Variants in L3MBTL4 observed in about 807,000 individuals in gnomAD.
The protein encoded by L3MBTL4 is lethal(3)malignant brain tumor-like protein 4.
Under a neutral mutation model 84.5 loss-of-function variants are expected in L3MBTL4, and 70 were observed. That is an observed-to-expected ratio of 0.83 (90% CI 0.68 to 1.01). The LOEUF is 1.01. Ranked by LOEUF, L3MBTL4 falls within the 50% of genes least tolerant of loss-of-function variation. L3MBTL4 has a pLI of 0.00. For synonymous variants in L3MBTL4, 274 were observed against 259.8 expected (o/e 1.05, Z -0.52); for missense variants, 715 against 754.8 (o/e 0.95, Z 0.62).
chr18:6,155,000 T>C (rs1229477222), intron 13 of L3MBTL4, among the ~76,000 whole-genome samples: 1 of 152,210 alleles, frequency 6.6e-6, no homozygotes, highest in Non-Finnish European at 1.5e-5. Flanking sequence ...CTCATTAAAG[T>C]ATAAAAACTT....
intron 12 of L3MBTL4, among the ~76,000 whole-genome samples, chr18:6,186,311 G>A (rs1262663625): frequency 7.9e-5 from 12 of 152,058 alleles, no homozygotes; most frequent in African/African-American, 2.7e-4. Flanking sequence ...CAAAGTGCTG[G>A]GATTACAGGC....
intron 1 of L3MBTL4, among the ~76,000 whole-genome samples, chr18:6,362,520 T>C (rs572924610): frequency 3.9e-5 from 6 of 152,298 alleles, no homozygotes; most frequent in Admixed American, 3.3e-4. Flanking sequence ...TACCTTCATT[T>C]ATGTAATCTG....
At chr18:6,340,263 T>C (rs1394826280) in intron 1 of L3MBTL4, among the ~76,000 whole-genome samples, 1 of 152,084 alleles carries the variant, frequency 6.6e-6, no homozygotes, top group Non-Finnish European at 1.5e-5. Context: ...AAAAATAACT[T>C]TGTGAGAACC....
At chr18:6,017,357 A>G (rs1407993882) in intron 16 of L3MBTL4, among the ~76,000 whole-genome samples, 1 of 152,258 alleles carries the variant, frequency 6.6e-6, no homozygotes, top group Non-Finnish European at 1.5e-5. Context: ...CCCCAAATCT[A>G]GAAGAAAACA....
At chr18:6,259,200 G>C (rs1373337002) in intron 5 of L3MBTL4, 1 of 152,210 alleles carries the variant, frequency 6.6e-6, no homozygotes, top group African/African-American at 2.4e-5. Context: ...TTGGGAGAGA[G>C]ACAACCCATG....
intron 1 of L3MBTL4, among the ~76,000 whole-genome samples, chr18:6,368,631 G>A (rs1797166396): frequency 6.6e-6 from 1 of 152,186 alleles, no homozygotes; most frequent in Non-Finnish European, 1.5e-5. Flanking sequence ...TCACAGGAAA[G>A]TAGTATACCA....
intron 1 of L3MBTL4, among the ~76,000 whole-genome samples, chr18:6,378,075 C>T (rs555739824): frequency 2.0e-5 from 3 of 152,246 alleles, no homozygotes; most frequent in South Asian, 2.1e-4. Flanking sequence ...TGACCAGTGA[C>T]GATGAGCATT....
At chr18:6,401,547 A>AT (rs1346520215) in intron 1 of L3MBTL4, among the ~76,000 whole-genome samples, 1 of 152,254 alleles carries the variant, frequency 6.6e-6, no homozygotes, top group Non-Finnish European at 1.5e-5. Flanking sequence ...AGTACAGCTT[A>AT]TAAGAGGTAA....
chr18:6,288,635 A>G (rs1164448587), intron 4 of L3MBTL4, among the ~76,000 whole-genome samples: 1 of 151,526 alleles, frequency 6.6e-6, no homozygotes, highest in African/African-American at 2.4e-5. Context: ...CTTCTGAGTT[A>G]TCATTAAGAT....
intron 1 of L3MBTL4, among the ~76,000 whole-genome samples, chr18:6,357,294 T>G (rs1360127335): frequency 6.6e-6 from 1 of 152,196 alleles, no homozygotes; most frequent in Non-Finnish European, 1.5e-5. Context: ...CATCAAATCT[T>G]GAGACATTCT....
At chr18:6,409,787 T>C (rs1009232561) in intron 1 of L3MBTL4, among the ~76,000 whole-genome samples, 1 of 152,106 alleles carries the variant, frequency 6.6e-6, no homozygotes, top group Admixed American at 6.5e-5. Context: ...ACCTTAAAAA[T>C]AACCTATTTC....
chr18:6,141,591 C>A (rs947835469), intron 13 of L3MBTL4, among the ~76,000 whole-genome samples: 1 of 152,174 alleles, frequency 6.6e-6, no homozygotes, highest in Non-Finnish European at 1.5e-5. Context: ...TCCTTGACAT[C>A]ATTTCTCGCT....
Position 6,257,620 on chromosome 18 carries a change from CT to C in L3MBTL4, c.219+6326del, listed in dbSNP as rs985127666. On this transcript the variant is annotated intron_variant, in intron 5 of 18. Transcript: ENST00000317931. ...GCATTCTAAAAGGAAATGTTCTTTT[CT>C]TTTTTCTTTTTCTTTTTCTTTTTCT... Among the ~76,000 whole-genome samples the C allele has an allele frequency of 1.3e-4, 18 of 143,202 alleles. No individual in the cohort carries two copies. The East Asian group carries it at 2.9e-3, about 23-fold the overall frequency. The allele number at this position is 143,202 out of a possible 152,430, so 93.9% of individuals were successfully genotyped here. A position where few individuals can be genotyped will look rare whatever the true frequency, so the allele number is the denominator to read the frequency against.
chr18:6,333,076 A>G lies in L3MBTL4; in HGVS notation c.-90-21020T>C, dbSNP rs1184718506. On this transcript the variant is annotated intron_variant, in intron 1 of 18. Transcript: ENST00000317931. ...CTTAAAAGACCTCAAAAAAATATAA[A>G]CAACAATTTAAAACAAAATTCTTTT... 3.3e-5 allele frequency among the ~76,000 whole-genome samples: 5 copies of G among 152,054 alleles called. No individual in the cohort carries two copies. In the East Asian group the frequency reaches 9.7e-4, roughly 29 times the overall value.
chr18:6,362,148 AG>A (rs1478973903), intron 1 of L3MBTL4, among the ~76,000 whole-genome samples: 1 of 43,884 alleles, frequency 2.3e-5, no homozygotes, highest in Admixed American at 2.8e-4. Context: ...AGGGGAGGGG[AG>A]GGGGGGAAGA....
chr18:5,973,276 G>GGAATGAGATCTGCCT (rs2052744254), intron 16 of L3MBTL4, among the ~76,000 whole-genome samples: 1 of 152,210 alleles, frequency 6.6e-6, no homozygotes, highest in South Asian at 2.1e-4. Context: ...ATTTGCAGAA[G>GGAATGAGATCTGCCT]TCCTAGTGGA....
At chr18:6,327,079 C>T (rs887529991) in intron 1 of L3MBTL4, among the ~76,000 whole-genome samples, 2 of 152,192 alleles carry the variant, frequency 1.3e-5, no homozygotes, top group Non-Finnish European at 2.9e-5. Context: ...TATAAGTATC[C>T]TCTTCTACCC....
chr18:6,238,618 T>C (rs2146087331), intron 9 of L3MBTL4, among the ~76,000 whole-genome samples: 1 of 152,306 alleles, frequency 6.6e-6, no homozygotes, highest in South Asian at 2.1e-4. Context: ...GAGTGAGCAT[T>C]TTAATAAACT....
chr18:5,976,946 G>T (rs1245628215), intron 16 of L3MBTL4, among the ~76,000 whole-genome samples: 5 of 152,140 alleles, frequency 3.3e-5, no homozygotes, highest in Non-Finnish European at 7.3e-5. Flanking sequence ...TTGTGTCCTG[G>T]CAGGGAGGAC....
Sources: allele counts gnomAD v4.1 joint callset (sites outside exome capture counted in the v4.1 genomes callset), GRCh38; gene constraint gnomAD v4.1.1; transcripts MANE v1.5; gene names NCBI Gene and HGNC (gene_info 2026-07-23, HGNC 2026-07-21).